FRMPD2: variants seen among roughly 807,000 people sequenced by gnomAD.
FRMPD2 encodes FERM and PDZ domain-containing protein 2.
In FRMPD2, 96 loss-of-function variants were observed where a neutral mutation model predicts 140.1. The ratio of observed to expected loss-of-function variants is 0.69; its 90% CI spans 0.58 to 0.81. The LOEUF is 0.81. Ranked by LOEUF, FRMPD2 falls within the 40% of genes least tolerant of loss-of-function variation. The pLI, the probability that FRMPD2 is intolerant of heterozygous loss-of-function variation, is 0.00. For missense variants in FRMPD2, 1,240 were observed against 1,447.4 expected (o/e 0.86, Z 2.32); for synonymous variants, 449 against 547.6 (o/e 0.82, Z 2.52).
chr10:48,227,736 C>T (rs1382998705), intron 10 of FRMPD2, among the ~76,000 whole-genome samples: 3 of 152,052 alleles, frequency 2.0e-5, no homozygotes, highest in East Asian at 3.8e-4. Flanking sequence ...TTGGTACATG[C>T]GAGAAGATTT....
At chr10:48,245,192 A>G in intron 3 of FRMPD2, among the ~76,000 whole-genome samples, 1 of 152,206 alleles carries the variant, frequency 6.6e-6, no homozygotes. Context: ...TGATTGATAC[A>G]TGGAGTCTTC....
intron 7 of FRMPD2, 132 bp from the exon 8 acceptor site, chr10:48,238,255 T>G: frequency 2.2e-6 from 2 of 900,598 alleles, no homozygotes; most frequent in Non-Finnish European, 3.3e-6. Flanking sequence ...CCCCCACCTA[T>G]GGGGGAGTTA....
rs1225692775 is a variant in FRMPD2 at position 48,168,584 on chromosome 10, C to T, written c.3537+11G>A. The T allele has an allele frequency of 4.8e-6, 5 of 1,040,528 alleles. 1 individual carries two copies. The highest frequency in any genetic ancestry group is 2.9e-5 in the East Asian group (1 of 34,304). The allele number at this position is 1,040,528 out of a possible 1,614,324, so 64.5% of individuals were successfully genotyped here. On this transcript the variant is annotated intron_variant, in intron 27 of 28. Transcript: ENST00000374201. ...AGCCAGGTAGAGAGAGTAGAAGACA[C>T]TGCAGCCTACCTGCCATTCCTGCTC...
At chr10:48,254,402 C>A (rs1840449782) in intron 1 of FRMPD2, among the ~76,000 whole-genome samples, 1 of 152,218 alleles carries the variant, frequency 6.6e-6, no homozygotes, top group South Asian at 2.1e-4. Flanking sequence ...CAGATGAGCC[C>A]TGCCCACCTC....
At chr10:48,212,707 A>C (rs1315302176) in intron 12 of FRMPD2, among the ~76,000 whole-genome samples, 1 of 152,100 alleles carries the variant, frequency 6.6e-6, no homozygotes, top group Non-Finnish European at 1.5e-5. Context: ...CCCCTGGAAA[A>C]GGGGAGACTG....
intron 17 of FRMPD2, among the ~76,000 whole-genome samples, chr10:48,185,958 T>C (rs918809592): frequency 6.6e-6 from 1 of 152,190 alleles, no homozygotes; most frequent in Non-Finnish European, 1.5e-5. Context: ...TTTTTCCGCA[T>C]TGGTTTTGGG....
At chr10:48,273,538 AT>A (rs2131995402) in intron 1 of FRMPD2, among the ~76,000 whole-genome samples, 2 of 152,132 alleles carry the variant, frequency 1.3e-5, no homozygotes, top group African/African-American at 4.8e-5. Context: ...GCCTTTTCCA[AT>A]CCCCCTGCTC....
rs968429785 is a variant in FRMPD2 at position 48,248,969 on chromosome 10, G to A, written c.309+52C>T. Reference sequence around the variant, plus strand: ...GCTGGGGAGGCTGCCGCTGGGACAGGCCTTTCCCAGGGCACAGGACTCAGA... The same window carrying A: ...GCTGGGGAGGCTGCCGCTGGGACAGACCTTTCCCAGGGCACAGGACTCAGA... On this transcript the variant is annotated intron_variant, in intron 3 of 28. Transcript: ENST00000374201. 7.9e-6 allele frequency: 12 copies of A among 1,510,548 alleles called. No individual in the cohort carries two copies. The African/African-American group carries it at 1.4e-4, about 18-fold the overall frequency. The allele number at this position is 1,510,548 out of a possible 1,614,324, so 93.6% of individuals were successfully genotyped here.
chr10:48,240,364 G>A lies in FRMPD2; in HGVS notation c.696C>T (p.Cys232=), dbSNP rs1412864836. The A allele has an allele frequency of 6.2e-7, 1 of 1,611,760 alleles. No homozygotes were observed. Reference sequence around the variant, plus strand: ...CTGCTTAGGGCACGTACCCACCTCTGCAAGGATGCAGACACTCCGGGGCCT... The same window carrying A: ...CTGCTTAGGGCACGTACCCACCTCTACAAGGATGCAGACACTCCGGGGCCT... ...AAQAPECLHP[C]RVSERSTETQ... is the part of the protein sequence containing the mutation. Residue 232 remains cysteine (C), a synonymous_variant, in exon 6 of 29, where the codon TGC becomes TGT. Transcript: ENST00000374201.
At chr10:48,206,546 T>C (rs1049131549) in intron 14 of FRMPD2, among the ~76,000 whole-genome samples, 1 of 152,178 alleles carries the variant, frequency 6.6e-6, no homozygotes, top group African/African-American at 2.4e-5. Context: ...AGAAATGGCC[T>C]CCTGAGGACC....
chr10:48,182,392 C>T (rs926659781), intron 20 of FRMPD2, among the ~76,000 whole-genome samples: 4 of 152,194 alleles, frequency 2.6e-5, no homozygotes, highest in Non-Finnish European at 4.4e-5. Flanking sequence ...AGCTGGGAGA[C>T]CTTTTTTGGT....
chr10:48,264,278 G>T (rs571775719), intron 1 of FRMPD2, among the ~76,000 whole-genome samples: 26 of 151,996 alleles, frequency 1.7e-4, no homozygotes, highest in Admixed American at 8.5e-4. Flanking sequence ...CCTAGCTAAT[G>T]TAATCAGACA....
intron 3 of FRMPD2, among the ~76,000 whole-genome samples, chr10:48,247,436 G>T (rs1411829769): frequency 1.3e-5 from 2 of 152,190 alleles, no homozygotes; most frequent in Non-Finnish European, 2.9e-5. Context: ...AAATGGGAAG[G>T]GAGACAGGGA....
chr10:48,159,635 A>G (rs1248508948), intron 28 of FRMPD2, among the ~76,000 whole-genome samples: 2 of 151,966 alleles, frequency 1.3e-5, no homozygotes, highest in Admixed American at 1.3e-4. Context: ...CCCAGAAGGT[A>G]TATCATAACT....
chr10:48,226,905 A>G (rs983017518), intron 10 of FRMPD2, among the ~76,000 whole-genome samples: 2 of 152,180 alleles, frequency 1.3e-5, no homozygotes, highest in African/African-American at 4.8e-5. Flanking sequence ...TGTGAGGATA[A>G]AGGATGGAAG....
Position 48,249,157 on chromosome 10 carries a change from C to T in FRMPD2, c.173G>A (p.Cys58Tyr). ...LRNDSSDYVV[C>Y]PWSALLSAAG... ...TGCAGAAAGCAGGGCTGACCAGGGG[C>T]AAACCACATAGTCCGAGGAATCTGA... Residue 58 changes from cysteine (C) to tyrosine (Y), a missense_variant, in exon 3 of 29, where the codon TGC becomes TAC. Cys to Tyr is a radical substitution (Grantham distance 194). Around this residue, in one of 6 missense-constraint regions of FRMPD2, gnomAD observed 1,161 missense variants for 1,055.9 expected, o/e 1.10. Transcript: ENST00000374201. The T allele has an allele frequency of 6.2e-7, 1 of 1,614,032 alleles. No homozygotes were observed. Among genetic ancestry groups the T allele is most frequent in the South Asian group, 1.1e-5 (1 of 91,062 alleles).
intron 16 of FRMPD2, among the ~76,000 whole-genome samples, chr10:48,187,907 A>G (rs1838727757): frequency 6.6e-6 from 1 of 152,226 alleles, no homozygotes; most frequent in African/African-American, 2.4e-5. Flanking sequence ...CCCTGACGGA[A>G]TATGCCTCAT....
chr10:48,242,065 T>A (rs1840126699), intron 5 of FRMPD2, 96 bp downstream of exon 5: 3 of 885,898 alleles, frequency 3.4e-6, no homozygotes, highest in Middle Eastern at 3.1e-4. Context: ...TTTAATTTTT[T>A]ATTTTATTTT....
At chr10:48,263,174 T>C (rs2068732626) in intron 1 of FRMPD2, among the ~76,000 whole-genome samples, 1 of 152,120 alleles carries the variant, frequency 6.6e-6, no homozygotes, top group South Asian at 2.1e-4. Flanking sequence ...GAAGTACTTA[T>C]ACAGAGACTT....
Sources: allele counts gnomAD v4.1 joint callset (sites outside exome capture counted in the v4.1 genomes callset), GRCh38; gene constraint gnomAD v4.1.1; regional missense constraint gnomAD v4.1.1; transcripts MANE v1.5; gene names NCBI Gene and HGNC (gene_info 2026-07-23, HGNC 2026-07-21).